The following CTNNA3 variants were observed in gnomAD, a reference collection of about 807,000 sequenced individuals.
CTNNA3 encodes the protein catenin alpha-3.
Under a neutral mutation model 95.7 loss-of-function variants are expected in CTNNA3, and 76 were observed. The ratio of observed to expected loss-of-function variants is 0.79; its 90% confidence interval spans 0.66 to 0.96. CTNNA3 has a LOEUF of 0.96. CTNNA3 is among the 40% of genes least tolerant of loss of function. CTNNA3 has a pLI of 0.00. For synonymous variants in CTNNA3, 431 were observed against 374.4 expected (o/e 1.15, Z -1.74); for missense variants, 1,191 against 1,089.8 (o/e 1.09, Z -1.31).
At chr10:67,147,733 CT>C (rs973031907) in intron 7 of CTNNA3, among the ~76,000 whole-genome samples, 1 of 151,918 alleles carries the variant, frequency 6.6e-6, no homozygotes, top group African/African-American at 2.4e-5. Context: ...TAATCAGGCT[CT>C]TTTTTTTCTA....
chr10:66,824,364 A>AT (rs1227003605), intron 7 of CTNNA3, among the ~76,000 whole-genome samples: 2 of 152,216 alleles, frequency 1.3e-5, no homozygotes, highest in African/African-American at 4.8e-5. Context: ...TATTGAAGCA[A>AT]TAAGTACACA....
intron 2 of CTNNA3, among the ~76,000 whole-genome samples, chr10:67,611,868 G>A (rs1030786383): frequency 1.3e-5 from 2 of 152,078 alleles, no homozygotes; most frequent in Non-Finnish European, 2.9e-5. Context: ...TAAAATATAA[G>A]ACATTTAAGC....
intron 13 of CTNNA3, among the ~76,000 whole-genome samples, chr10:66,181,723 T>A (rs1480847338): frequency 6.6e-6 from 1 of 152,202 alleles, no homozygotes; most frequent in African/African-American, 2.4e-5. Flanking sequence ...AATATTCACA[T>A]TTCAGTGTTA....
At chr10:65,932,262 G>T (rs1022615252) in intron 17 of CTNNA3, among the ~76,000 whole-genome samples, 3 of 152,060 alleles carry the variant, frequency 2.0e-5, no homozygotes, top group Non-Finnish European at 4.4e-5. Context: ...TAGCAGAATG[G>T]GATGTATATA....
intron 9 of CTNNA3, among the ~76,000 whole-genome samples, chr10:66,652,933 A>T (rs1476086987): frequency 6.6e-6 from 1 of 152,180 alleles, no homozygotes. Flanking sequence ...ACAAAATTCA[A>T]TATCCTTTTG....
At chr10:66,753,417 C>G (rs1457973619) in intron 9 of CTNNA3, among the ~76,000 whole-genome samples, 2 of 152,006 alleles carry the variant, frequency 1.3e-5, no homozygotes, top group African/African-American at 4.8e-5. Context: ...AATCCCAGCA[C>G]TTTGGGAGGC....
intron 2 of CTNNA3, among the ~76,000 whole-genome samples, chr10:67,613,941 C>T (rs1481935843): frequency 6.6e-6 from 1 of 152,196 alleles, no homozygotes; most frequent in African/African-American, 2.4e-5. Flanking sequence ...AATGGAGCCA[C>T]AGACCTTTGC....
chr10:67,141,311 T>TTG (rs1215822271), intron 7 of CTNNA3, among the ~76,000 whole-genome samples: 1 of 151,922 alleles, frequency 6.6e-6, no homozygotes, highest in African/African-American at 2.4e-5. Context: ...AGATTTTTTT[T>TTG]TTACAAGCAA....
At chr10:66,284,391 T>C (rs1310115890) in intron 12 of CTNNA3, among the ~76,000 whole-genome samples, 1 of 151,936 alleles carries the variant, frequency 6.6e-6, no homozygotes, top group East Asian at 1.9e-4. Context: ...TAATTGAGAA[T>C]ATAGAGCCAG....
At chr10:67,689,515 C>T (rs558315814) in intron 1 of CTNNA3, among the ~76,000 whole-genome samples, 3 of 152,146 alleles carry the variant, frequency 2.0e-5, no homozygotes, top group East Asian at 1.9e-4. Flanking sequence ...AGAAGAGAGG[C>T]GAGAGGAAGT....
chr10:67,196,476 A>G (rs1051877989), intron 6 of CTNNA3, among the ~76,000 whole-genome samples: 3 of 152,114 alleles, frequency 2.0e-5, no homozygotes, highest in Non-Finnish European at 4.4e-5. Flanking sequence ...AATATAATAC[A>G]TACAGACTCC....
intron 7 of CTNNA3, among the ~76,000 whole-genome samples, chr10:66,946,627 G>A (rs983899113): frequency 9.2e-5 from 14 of 152,014 alleles, no homozygotes; most frequent in African/African-American, 1.4e-4. Context: ...TTACATAAAC[G>A]CAATCATAAA....
chr10:66,011,294 TTCTC>T (rs2079000578), intron 15 of CTNNA3, among the ~76,000 whole-genome samples: 1 of 152,098 alleles, frequency 6.6e-6, no homozygotes, highest in South Asian at 2.1e-4. Flanking sequence ...TATCTTCTCT[TTCTC>T]TTTCTTTTCT....
Position 66,440,105 on chromosome 10 carries a change from G to A in CTNNA3, c.1532-60753C>T, listed in dbSNP as rs530670300. The stretch of plus-strand genomic sequence containing the variant: ...ATTGCCAGCTTGGGCTATTAAAACA[G>A]TATTCCAATAAATATTATTGTTCAC... On this transcript the variant is annotated intron_variant, in intron 11 of 17. Transcript: ENST00000433211. 8.5e-4 allele frequency among the ~76,000 whole-genome samples: 129 copies of A among 152,062 alleles called. 2 individuals are homozygous for A. Among genetic ancestry groups the A allele is most frequent in the Admixed American group, 3.3e-4 (5 of 15,266 alleles).
chr10:66,669,046 C>G (rs992702629), intron 9 of CTNNA3, among the ~76,000 whole-genome samples: 2 of 151,966 alleles, frequency 1.3e-5, no homozygotes, highest in Non-Finnish European at 2.9e-5. Flanking sequence ...TATTCTAAAT[C>G]TCTAATATAA....
At chr10:66,740,745 G>A (rs1849301294) in intron 9 of CTNNA3, among the ~76,000 whole-genome samples, 1 of 152,194 alleles carries the variant, frequency 6.6e-6, no homozygotes, top group Admixed American at 6.5e-5. Context: ...AGTTTCATGA[G>A]TTAGAAGATA....
At chr10:67,325,500 C>T (rs1841503452) in intron 5 of CTNNA3, among the ~76,000 whole-genome samples, 1 of 152,124 alleles carries the variant, frequency 6.6e-6, no homozygotes, top group Admixed American at 6.5e-5. Flanking sequence ...ACTCAAAAGT[C>T]ATTTAGGAGG....
rs531372962 is a variant in CTNNA3 at position 66,899,616 on chromosome 10, A to T, written c.1048-124092T>A. Among the ~76,000 whole-genome samples the T allele has an allele frequency of 2.6e-5, 4 of 152,128 alleles. No homozygotes were observed. The South Asian group carries it at 8.3e-4, about 32-fold the overall frequency. On this transcript the variant is annotated intron_variant, in intron 7 of 17. Coordinates refer to ENST00000433211, the MANE Select transcript of CTNNA3 (RefSeq NM_013266.4). ...TTCTAGACAAGGGAAGCCATGACAG[A>T]CTGTACCGGGAAAAACGGTACACTT...
At chr10:66,467,737 T>C (rs2131865178) in intron 11 of CTNNA3, among the ~76,000 whole-genome samples, 1 of 152,200 alleles carries the variant, frequency 6.6e-6, no homozygotes. Flanking sequence ...AGCAGAGAAG[T>C]GAAATCAGAA....
Sources: gnomAD v4.1 joint callset for allele counts (sites outside exome capture counted in the v4.1 genomes callset) on GRCh38, gnomAD v4.1.1 for gene constraint, MANE v1.5 for transcripts, NCBI Gene and HGNC (gene_info 2026-07-23, HGNC 2026-07-21) for gene names.